The following FAM167A variants were observed in gnomAD, a reference collection of about 807,000 sequenced individuals.
FAM167A encodes the protein protein FAM167A.
A neutral mutation model predicts 14.9 loss-of-function variants in FAM167A; 23 were observed. That is an observed-to-expected ratio of 1.55 (90% CI 1.11 to 2.19). FAM167A has a LOEUF of 2.19. Ranked by LOEUF, FAM167A falls within the 30% of genes most tolerant of loss-of-function variation. The probability of loss-of-function intolerance (pLI) is 0.00; values close to 1 mark genes in which losing one functional copy is unlikely to be tolerated. For synonymous variants in FAM167A, 174 were observed against 117.7 expected (o/e 1.48, Z -3.10); for missense variants, 401 against 281.5 (o/e 1.42, Z -3.04).
At chr8:11,465,790 A>T (rs1234066235) in intron 1 of FAM167A, among the ~76,000 whole-genome samples, 1 of 152,148 alleles carries the variant, frequency 6.6e-6, no homozygotes, top group Non-Finnish European at 1.5e-5. Context: ...ATCTTCTGGG[A>T]TTCTCCAGCA....
intron 1 of FAM167A, among the ~76,000 whole-genome samples, chr8:11,447,255 C>T (rs1226060878): frequency 6.7e-6 from 1 of 150,020 alleles, no homozygotes; most frequent in East Asian, 2.0e-4. Context: ...GATCTTGGCT[C>T]ACTGCCACCT....
intron 1 of FAM167A, among the ~76,000 whole-genome samples, chr8:11,462,204 A>T (rs368588874): frequency 1.3e-5 from 2 of 152,352 alleles, no homozygotes; most frequent in South Asian, 4.1e-4. Context: ...GAAAGGAATC[A>T]GGAGCAGGAG....
chr8:11,468,849 G>A (rs1436948663), upstream of FAM167A, among the ~76,000 whole-genome samples: 1 of 152,216 alleles, frequency 6.6e-6, no homozygotes, highest in Admixed American at 6.5e-5. Flanking sequence ...AGGCAAGGGT[G>A]GTGTCTTGCC....
At chr8:11,425,872 C>G (rs902133863) in intron 2 of FAM167A, among the ~76,000 whole-genome samples, 2 of 152,114 alleles carry the variant, frequency 1.3e-5, no homozygotes, top group South Asian at 4.1e-4. Context: ...TTTGAAATGG[C>G]CCTGCAAAAC....
intron 2 of FAM167A, chr8:11,443,778 T>G: frequency 2.1e-6 from 1 of 482,728 alleles, no homozygotes; most frequent in Non-Finnish European, 3.7e-6. Flanking sequence ...TGGGTTCAGG[T>G]TCTGCCAGAA....
intron 1 of FAM167A, among the ~76,000 whole-genome samples, chr8:11,447,285 G>C (rs1279341314): frequency 2.0e-5 from 3 of 151,872 alleles, no homozygotes; most frequent in African/African-American, 7.3e-5. Flanking sequence ...GGGTTCAAGC[G>C]ATTCTCCTGC....
intron 1 of FAM167A, among the ~76,000 whole-genome samples, chr8:11,453,390 A>C (rs761596549): frequency 6.6e-6 from 1 of 152,232 alleles, no homozygotes; most frequent in Non-Finnish European, 1.5e-5. Flanking sequence ...TGAAGCACTC[A>C]ATATGTGCCA....
chr8:11,425,084 G>A (rs780195154), intron 2 of FAM167A, among the ~76,000 whole-genome samples: 1 of 152,182 alleles, frequency 6.6e-6, no homozygotes, highest in Non-Finnish European at 1.5e-5. Flanking sequence ...TCTTTCTTAC[G>A]CTGGGGAGTG....
At chr8:11,460,001 T>C (rs1173673139) in intron 1 of FAM167A, among the ~76,000 whole-genome samples, 1 of 152,234 alleles carries the variant, frequency 6.6e-6, no homozygotes, top group African/African-American at 2.4e-5. Context: ...GTGCTGCGAT[T>C]ACAGGCGTGA....
intron 1 of FAM167A, among the ~76,000 whole-genome samples, chr8:11,447,608 A>C (rs1806840884): frequency 6.6e-6 from 1 of 152,200 alleles, no homozygotes; most frequent in African/African-American, 2.4e-5. Flanking sequence ...CCATTTCACC[A>C]AGGAGAAATC....
chr8:11,457,058 T>C (rs867610366), intron 1 of FAM167A, among the ~76,000 whole-genome samples: 840 of 36,902 alleles, frequency 0.023, 30 homozygotes, highest in South Asian at 0.13. Flanking sequence ...AGGAAGTGGG[T>C]GGGGCTGGGT....
At chr8:11,453,634 C>T (rs770830557) in intron 1 of FAM167A, among the ~76,000 whole-genome samples, 1 of 152,130 alleles carries the variant, frequency 6.6e-6, no homozygotes, top group East Asian at 1.9e-4. Context: ...AGCTGGGGAC[C>T]AGGACCGGGT....
At chr8:11,474,327 G>T (rs1450720442) in intron 1 of FAM167A, among the ~76,000 whole-genome samples, 1 of 152,222 alleles carries the variant, frequency 6.6e-6, no homozygotes, top group Admixed American at 6.5e-5. Context: ...TAGCTGCCTT[G>T]TTTGTCTTCC....
chr8:11,464,721 G>A (rs765266111), intron 1 of FAM167A, among the ~76,000 whole-genome samples: 3 of 152,172 alleles, frequency 2.0e-5, no homozygotes, highest in Non-Finnish European at 4.4e-5. Context: ...CTCCCAAAGG[G>A]TTCTGGGAAT....
At chr8:11,438,706 G>A (rs1806224792) in intron 2 of FAM167A, 3 of 370,346 alleles carry the variant, frequency 8.1e-6, no homozygotes, top group Admixed American at 3.6e-5. Flanking sequence ...TAACCCCCAC[G>A]AGGCCGTATC....
chr8:11,437,618 C>A (rs1174865782), intron 2 of FAM167A, among the ~76,000 whole-genome samples: 1 of 152,134 alleles, frequency 6.6e-6, no homozygotes, highest in African/African-American at 2.4e-5. Flanking sequence ...CTTGCAGATA[C>A]CTGTTAAAAC....
intron 1 of FAM167A, among the ~76,000 whole-genome samples, chr8:11,475,255 T>G (rs1289056163): frequency 6.6e-6 from 1 of 152,186 alleles, no homozygotes; most frequent in Non-Finnish European, 1.5e-5. Flanking sequence ...GCCTCAGTTT[T>G]CCTACTCGGT....
At chr8:11,453,827 CAT>C (rs1807122352) in intron 1 of FAM167A, among the ~76,000 whole-genome samples, 6 of 151,700 alleles carry the variant, frequency 4.0e-5, no homozygotes, top group African/African-American at 1.5e-4. Flanking sequence ...CACCGCAGCA[CAT>C]AAACACTGCA....
chr8:11,474,429 T>A (rs1411549339), intron 1 of FAM167A, among the ~76,000 whole-genome samples: 1 of 152,052 alleles, frequency 6.6e-6, no homozygotes, highest in Non-Finnish European at 1.5e-5. Context: ...TCAGCCACAG[T>A]TTTTGGGCAC....
Sources: gnomAD v4.1 joint callset for allele counts (sites outside exome capture counted in the v4.1 genomes callset) on GRCh38, gnomAD v4.1.1 for gene constraint, MANE v1.5 for transcripts, NCBI Gene and HGNC (gene_info 2026-07-23, HGNC 2026-07-21) for gene names.